The following SLC14A1 variants were observed in gnomAD, a reference collection of about 807,000 sequenced individuals.
SLC14A1 encodes urea transporter 1.
A neutral mutation model predicts 39.6 loss-of-function variants in SLC14A1; 36 were observed. That is an observed-to-expected ratio of 0.91 (90% CI 0.70 to 1.20). The LOEUF is 1.20. Ranked by LOEUF, SLC14A1 falls within the 50% of genes most tolerant of loss-of-function variation. The pLI is 0.00. For missense variants in SLC14A1, 469 were observed against 478.7 expected, an observed-to-expected ratio of 0.98 and a Z score of 0.19; for synonymous variants, 164 against 173.6, an observed-to-expected ratio of 0.94 and a Z score of 0.43.
At position 45,748,380 on chromosome 18, in the gene SLC14A1, G is replaced by A. The variant is rs911488140; in HGVS notation, c.951G>A (p.Leu317=). The A allele has an allele frequency of 2.5e-6, 4 of 1,613,932 alleles. No individual in the cohort carries two copies. The highest frequency in any genetic ancestry group is 3.4e-6 in the Non-Finnish European group (4 of 1,179,962). ...CCCTCCTTTTTTTTTCTGTAGCCCT[G>A]TTCACGGCCTATCTTGGAGTCGGCA... ...QTHLLALGCA[L]FTAYLGVGMA... is the part of the protein sequence containing the mutation. Residue 317 remains leucine (L), a synonymous_variant, in exon 9 of 10, where the codon CTG becomes CTA. Transcript: ENST00000321925.
At chr18:45,733,242 T>C (rs2047084415) in intron 4 of SLC14A1, among the ~76,000 whole-genome samples, 1 of 152,052 alleles carries the variant, frequency 6.6e-6, no homozygotes, top group African/African-American at 2.4e-5. Context: ...ACCCCCTCAA[T>C]CTAAAGAAGG....
At position 45,750,799 on chromosome 18, in the gene SLC14A1, A is replaced by G; in HGVS notation, c.*848A>G. Reference sequence around the variant, plus strand: ...TGAAATACTCAGCTTAGGCATTTTTACTTTAACCCCTAAATTGATTTTGTA... The same window carrying G: ...TGAAATACTCAGCTTAGGCATTTTTGCTTTAACCCCTAAATTGATTTTGTA... On this transcript the variant is annotated 3_prime_UTR_variant, in exon 10 of 10. Transcript: ENST00000321925. The G allele has an allele frequency of 1.0e-6, 1 of 985,002 alleles. No individual in the cohort carries two copies. The highest frequency in any genetic ancestry group is 1.2e-6 in the Non-Finnish European group (1 of 829,552). The allele number at this position is 985,002 out of a possible 1,614,324, so 61.0% of individuals were successfully genotyped here. A position where few individuals can be genotyped will look rare whatever the true frequency, so the allele number is the denominator to read the frequency against.
intron 8 of SLC14A1, among the ~76,000 whole-genome samples, chr18:45,745,761 G>A (rs985689748): frequency 6.6e-6 from 1 of 152,192 alleles, no homozygotes; most frequent in Non-Finnish European, 1.5e-5. Context: ...TGCCAGCAGT[G>A]TGTGAGAGTG....
rs763948389 is a variant in SLC14A1, at chr18:45,736,448, T to G, written c.471-8T>G. Reference sequence around the variant, plus strand: ...CATGCACATTCTTTTGCTCTGTTCTTTTTTTAGCCCAATTTTCTCAAGTGC... The same window carrying G: ...CATGCACATTCTTTTGCTCTGTTCTGTTTTTAGCCCAATTTTCTCAAGTGC... On this transcript the variant is annotated splice_region_variant and splice_polypyrimidine_tract_variant and intron_variant, in intron 5 of 9. Transcript: ENST00000321925. 2.8e-5 allele frequency: 45 copies of G among 1,614,114 alleles called. No individual in the cohort carries two copies. Among genetic ancestry groups the G allele is most frequent in the Non-Finnish European group, 3.7e-5 (44 of 1,179,956 alleles).
Position 45,739,562 on chromosome 18 carries a change from C to A in SLC14A1, c.846C>A (p.Tyr282Ter). The A allele has an allele frequency of 1.2e-6, 2 of 1,614,186 alleles. No homozygotes were observed. The highest frequency in any genetic ancestry group is 1.7e-6 in the Non-Finnish European group (2 of 1,180,016). Residue 282 changes from tyrosine to a stop codon, truncating the protein, a stop_gained, in exon 8 of 10, where the codon TAC (tyrosine) becomes TAA (stop). Coordinates refer to ENST00000321925, the MANE Select transcript of SLC14A1 (RefSeq NM_015865.7). LOFTEE classifies it high-confidence loss of function. ...LSLSAPFEDI[Y>*]FGLWGFNSSL... Reference sequence around the variant, plus strand: ...TTTCAGCCCCATTTGAGGACATCTACTTTGGACTCTGGGGTTTCAACAGCT... The same window carrying A: ...TTTCAGCCCCATTTGAGGACATCTAATTTGGACTCTGGGGTTTCAACAGCT...
chr18:45,727,278 G>GGAC, intron 2 of SLC14A1: 2 of 1,551,658 alleles, frequency 1.3e-6, no homozygotes, highest in Non-Finnish European at 1.7e-6. Flanking sequence ...AAGGATGAAT[G>GGAC]GACGGTCTTT....
chr18:45,734,161 T>C, intron 4 of SLC14A1, 113 bp from the exon 5 acceptor site: 1 of 1,368,406 alleles, frequency 7.3e-7, no homozygotes, highest in Non-Finnish European at 1.0e-6. Context: ...CATTTCCAAA[T>C]ATAATCTCAT....
At chr18:45,736,093 G>C (rs28898872) in intron 5 of SLC14A1, among the ~76,000 whole-genome samples, 2,048 of 152,282 alleles carry the variant, frequency 0.013, 56 homozygotes, top group African/African-American at 0.047. Context: ...CTAGTGGGGA[G>C]GGAGGGACAT....
chr18:45,736,289 G>C (rs778538541), intron 5 of SLC14A1, among the ~76,000 whole-genome samples, 167 bp from the exon 6 acceptor site: 1 of 152,132 alleles, frequency 6.6e-6, no homozygotes, highest in Non-Finnish European at 1.5e-5. Flanking sequence ...AATATTTACT[G>C]CCTCTATAAT....
chr18:45,729,663 A>T (rs1289887262), intron 2 of SLC14A1: 2 of 152,230 alleles, frequency 1.3e-5, no homozygotes, highest in African/African-American at 4.8e-5. Context: ...TTCCAAAAGT[A>T]AAGAGTATCT....
At chr18:45,730,593 C>T in intron 3 of SLC14A1, 122 bp downstream of exon 3, 2 of 1,106,962 alleles carry the variant, frequency 1.8e-6, no homozygotes, top group South Asian at 2.8e-5. Context: ...CTTTACTCAC[C>T]ATTTTTCTAC....
At chr18:45,734,686 G>C (rs1383037392) in intron 5 of SLC14A1, among the ~76,000 whole-genome samples, 2 of 152,172 alleles carry the variant, frequency 1.3e-5, no homozygotes, top group East Asian at 3.9e-4. Flanking sequence ...GCTGCAGTGA[G>C]CTATGATTGC....
intron 8 of SLC14A1, among the ~76,000 whole-genome samples, chr18:45,744,931 C>G (rs985217570): frequency 2.0e-5 from 3 of 152,288 alleles, no homozygotes; most frequent in Non-Finnish European, 4.4e-5. Flanking sequence ...CTGTTGAGTT[C>G]TCCATTTCTG....
At chr18:45,733,678 T>A (rs2047097740) in intron 4 of SLC14A1, among the ~76,000 whole-genome samples, 1 of 152,244 alleles carries the variant, frequency 6.6e-6, no homozygotes, top group South Asian at 2.1e-4. Flanking sequence ...TCAGCCACTG[T>A]AGACCTGTCT....
At chr18:45,742,395 A>G (rs1238730582) in intron 8 of SLC14A1, among the ~76,000 whole-genome samples, 1 of 123,326 alleles carries the variant, frequency 8.1e-6, no homozygotes, top group African/African-American at 3.2e-5. Context: ...CTCTGTTGCC[A>G]GGCTGGAATG....
chr18:45,746,752 A>G (rs1430423054), intron 8 of SLC14A1, among the ~76,000 whole-genome samples: 1 of 152,238 alleles, frequency 6.6e-6, no homozygotes, highest in Non-Finnish European at 1.5e-5. Flanking sequence ...CCATGGTGAA[A>G]GAGATGCATT....
chr18:45,727,285 C>T (rs758575384), intron 2 of SLC14A1: 11 of 1,551,574 alleles, frequency 7.1e-6, no homozygotes, highest in Non-Finnish European at 7.8e-6. Flanking sequence ...AATGGACGGT[C>T]TTTGATTGGC....
chr18:45,739,117 G>T (rs201734201), intron 6 of SLC14A1, 46 bp from the exon 7 acceptor site: 1 of 1,610,804 alleles, frequency 6.2e-7, no homozygotes, highest in Non-Finnish European at 8.5e-7. Context: ...GTGGGTTTCT[G>T]TTCAGTTGTT....
Position 45,751,956 on chromosome 18 carries a change from T to C in SLC14A1, c.*2005T>C. 3 of 985,356 alleles carry C rather than the reference T, an allele frequency of 3.0e-6. No individual in the cohort carries two copies. The highest frequency in any genetic ancestry group is 3.6e-6 in the Non-Finnish European group (3 of 829,886). The allele number at this position is 985,356 out of a possible 1,614,324, so 61.0% of individuals were successfully genotyped here. A position where few individuals can be genotyped will look rare whatever the true frequency, so the allele number is the denominator to read the frequency against. On this transcript the variant is annotated 3_prime_UTR_variant, in exon 10 of 10. Transcript: ENST00000321925. ...GCTCAGTGCACAATATACATTTTGC[T>C]GAATGAATAAACAGAAATAGGGAAG...
Sources: allele counts gnomAD v4.1 joint callset (sites outside exome capture counted in the v4.1 genomes callset), GRCh38; gene constraint gnomAD v4.1.1; transcripts MANE v1.5; gene names NCBI Gene and HGNC (gene_info 2026-07-23, HGNC 2026-07-21).